TMPRSS15: variants seen among roughly 807,000 people sequenced by gnomAD.
The protein encoded by TMPRSS15 is enteropeptidase.
A neutral mutation model predicts 125.3 loss-of-function variants in TMPRSS15; 128 were observed. The ratio of observed to expected loss-of-function variants is 1.02; its 90% confidence interval spans 0.89 to 1.18. The LOEUF is 1.18. Among genes scored for constraint, TMPRSS15 ranks in the 50% most tolerant of loss-of-function variants. TMPRSS15 has a pLI of 0.00. For synonymous variants in TMPRSS15, 446 were observed against 423.2 expected, an observed-to-expected ratio of 1.05 and a Z score of -0.66; for missense variants, 1,283 against 1,212.7, an observed-to-expected ratio of 1.06 and a Z score of -0.86.
intron 16 of TMPRSS15, among the ~76,000 whole-genome samples, chr21:18,325,469 G>A (rs755411552): frequency 1.4e-4 from 22 of 152,046 alleles, no homozygotes; most frequent in Non-Finnish European, 2.5e-4. Flanking sequence ...GGTCAGTTGT[G>A]AGTGGAGGAA....
intron 18 of TMPRSS15, among the ~76,000 whole-genome samples, chr21:18,308,238 CACTTTCTGGGTTTTGTTG>C (rs1416471522): frequency 6.6e-6 from 1 of 152,144 alleles, no homozygotes; most frequent in African/African-American, 2.4e-5. Context: ...AAACAACTGT[CACTTTCTGGGTTTTGTTG>C]ACTCTTTATC....
intron 6 of TMPRSS15, among the ~76,000 whole-genome samples, chr21:18,366,934 T>G (rs1007947257): frequency 6.6e-6 from 1 of 152,068 alleles, no homozygotes; most frequent in South Asian, 2.1e-4. Flanking sequence ...GACAAAATAT[T>G]TTATGTATAT....
intron 1 of TMPRSS15, among the ~76,000 whole-genome samples, chr21:18,455,183 G>A (rs1014061158): frequency 1.3e-5 from 2 of 152,100 alleles, no homozygotes; most frequent in Non-Finnish European, 2.9e-5. Flanking sequence ...AGTTTCATGA[G>A]GCTTCCCCAG....
At chr21:18,318,997 C>A (rs915870428) in intron 16 of TMPRSS15, among the ~76,000 whole-genome samples, 1 of 151,496 alleles carries the variant, frequency 6.6e-6, no homozygotes, top group East Asian at 1.9e-4. Context: ...ATAGAGTCAA[C>A]GTAATATAAA....
intron 3 of TMPRSS15, among the ~76,000 whole-genome samples, chr21:18,394,762 A>T (rs908715139): frequency 1.3e-5 from 2 of 152,130 alleles, no homozygotes; most frequent in East Asian, 3.9e-4. Flanking sequence ...TCTAAATGAT[A>T]AAAAAGCCCC....
At chr21:18,280,541 A>C (rs1190295217) in intron 22 of TMPRSS15, among the ~76,000 whole-genome samples, 7 of 145,198 alleles carry the variant, frequency 4.8e-5, no homozygotes, top group African/African-American at 1.6e-4. Context: ...GTGCCACTGC[A>C]CTCCAGCCTG....
chr21:18,372,138 G>GTGTGTGTC (rs1040430973), intron 6 of TMPRSS15, 55 bp downstream of exon 6: 1 of 1,470,798 alleles, frequency 6.8e-7, no homozygotes, highest in African/African-American at 1.4e-5. Context: ...GTGTGTGTGT[G>GTGTGTGTC]TCTACAGTGA....
chr21:18,399,030 A>G (rs2076069531), intron 1 of TMPRSS15, among the ~76,000 whole-genome samples: 1 of 152,156 alleles, frequency 6.6e-6, no homozygotes, highest in African/African-American at 2.4e-5. Context: ...ATTAAGTCCT[A>G]CATAATCCCT....
rs145683536 is a variant in TMPRSS15, at chr21:18,440,044, A to G, written c.11-41715T>C. On this transcript the variant is annotated intron_variant, in intron 1 of 7. Coordinates refer to the TMPRSS15 transcript ENST00000422787. ...AGGCAAAATTCTCAAGGAAAGTTGTAGACACATTTTACCTATGTGGAACTC... is the reference window on the plus strand; with the variant it reads ...AGGCAAAATTCTCAAGGAAAGTTGTGGACACATTTTACCTATGTGGAACTC... 1.7e-3 allele frequency among the ~76,000 whole-genome samples: 262 copies of G among 152,296 alleles called. 1 individual carries two copies. The highest frequency in any genetic ancestry group is 5.7e-3 in the African/African-American group (236 of 41,566).
chr21:18,449,046 A>G (rs1029103584), intron 1 of TMPRSS15, among the ~76,000 whole-genome samples: 2 of 152,150 alleles, frequency 1.3e-5, no homozygotes, highest in African/African-American at 4.8e-5. Flanking sequence ...TCTACTAATC[A>G]AACTATACAG....
At position 18,403,543 on chromosome 21, in the gene TMPRSS15, A is replaced by G; in HGVS notation, c.80T>C (p.Ile27Thr). The G allele has an allele frequency of 1.2e-6, 2 of 1,614,190 alleles. No homozygotes were observed. The highest frequency in any genetic ancestry group is 1.7e-6 in the Non-Finnish European group (2 of 1,180,020). ...YEIMFAALFA[I>T]LVVLCAGLIA... is the part of the protein sequence containing the mutation. The stretch of plus-strand genomic sequence containing the variant: ...TAATCCAGCACAGAGCACTACCAAT[A>G]TGGCAAAGAGAGCTGCAAACATGAT... The change falls in exon 1 of 25, where the codon ATA becomes ACA. Residue 27 changes from isoleucine (I) to threonine (T), a missense_variant. Coordinates refer to ENST00000284885, the MANE Select transcript of TMPRSS15 (RefSeq NM_002772.3).
intron 16 of TMPRSS15, among the ~76,000 whole-genome samples, chr21:18,316,139 A>C (rs1326674166): frequency 6.6e-6 from 1 of 152,206 alleles, no homozygotes; most frequent in Non-Finnish European, 1.5e-5. Flanking sequence ...CCTCAGAAAT[A>C]GTTTCCAAGC....
chr21:18,341,774 C>T (rs912804178), intron 12 of TMPRSS15, among the ~76,000 whole-genome samples: 1 of 152,098 alleles, frequency 6.6e-6, no homozygotes, highest in Non-Finnish European at 1.5e-5. Context: ...GCTAAATTTC[C>T]AATGATGTCT....
intron 21 of TMPRSS15, among the ~76,000 whole-genome samples, chr21:18,293,253 A>G (rs2146896578): frequency 6.6e-6 from 1 of 152,266 alleles, no homozygotes; most frequent in Middle Eastern, 3.4e-3. Flanking sequence ...TTAAATATCT[A>G]TGTGGGTAAG....
chr21:18,467,175 T>C (rs1978681719), intron 1 of TMPRSS15, among the ~76,000 whole-genome samples: 1 of 151,960 alleles, frequency 6.6e-6, no homozygotes, highest in Non-Finnish European at 1.5e-5. Context: ...AACCAAACAC[T>C]GCATGTTCTC....
chr21:18,365,247 G>A lies in TMPRSS15; in HGVS notation c.666C>T (p.Ala222=), dbSNP rs779718807. ...ACAAAAATCTTCCATCACAAACTGT[G>A]GCTGCAAAACGATGCCAATTAATGT... is the stretch of plus-strand genomic sequence containing the variant. ...DGSDEDNKMC[A]TVCDGRFLLT... Residue 222 remains alanine (A), a splice_region_variant and synonymous_variant, in exon 7 of 25, where the codon GCC becomes GCT. Coordinates refer to ENST00000284885, the MANE Select transcript of TMPRSS15 (RefSeq NM_002772.3). 7.4e-6 allele frequency: 12 copies of A among 1,613,284 alleles called. No homozygotes were observed. The South Asian group carries it at 1.3e-4, about 18-fold the overall frequency.
At chr21:18,288,665 C>T (rs11702698) in intron 21 of TMPRSS15, among the ~76,000 whole-genome samples, 66,494 of 150,606 alleles carry the variant, frequency 0.44, 16,166 homozygotes, top group African/African-American at 0.64. Flanking sequence ...CTCAGCCTCC[C>T]GAGTAGCTGG....
chr21:18,367,179 A>T (rs912038822), intron 6 of TMPRSS15, among the ~76,000 whole-genome samples: 6 of 152,152 alleles, frequency 3.9e-5, no homozygotes, highest in African/African-American at 1.4e-4. Flanking sequence ...GAAAATAAGA[A>T]AAGAAAAGAT....
At chr21:18,454,920 A>C (rs1371403730) in intron 1 of TMPRSS15, among the ~76,000 whole-genome samples, 1 of 152,116 alleles carries the variant, frequency 6.6e-6, no homozygotes, top group Non-Finnish European at 1.5e-5. Context: ...TAACTATCAC[A>C]GTATGTGATA....
Sources: gnomAD v4.1 joint callset for allele counts (sites outside exome capture counted in the v4.1 genomes callset) on GRCh38, gnomAD v4.1.1 for gene constraint, MANE v1.5 for transcripts, NCBI Gene and HGNC (gene_info 2026-07-23, HGNC 2026-07-21) for gene names.